The following NEK6 variants were observed in gnomAD, a reference collection of about 807,000 sequenced individuals.
NEK6 encodes serine/threonine-protein kinase Nek6.
In NEK6, 27 loss-of-function variants were observed where a neutral mutation model predicts 43.5. The observed-to-expected ratio is 0.62, with a 90% CI of 0.46 to 0.86. The LOEUF (loss-of-function observed/expected upper bound fraction) is 0.86. NEK6 is among the 40% of genes least tolerant of loss of function. The pLI is 0.00. For missense variants in NEK6, 318 were observed against 414.4 expected (o/e 0.77, Z 2.02); for synonymous variants, 167 against 164.1 (o/e 1.02, Z -0.14).
intron 1 of NEK6, among the ~76,000 whole-genome samples, chr9:124,276,055 T>TG (rs1831637964): frequency 6.7e-6 from 1 of 150,306 alleles, no homozygotes; most frequent in African/African-American, 2.5e-5. Flanking sequence ...CCGTGGAGGC[T>TG]GGGGGGCTGG....
Position 124,321,441 on chromosome 9 carries a change from CTT to C in NEK6, c.295-16_295-15del. On this transcript the variant is annotated splice_polypyrimidine_tract_variant and intron_variant, in intron 4 of 9. Transcript: ENST00000320246. Reference sequence around the variant, plus strand: ...GTCTTCACTTGGTGCCCCCTTCCCTCTTTCCCTCCTCATGCAGCAACTGAACC... The same window carrying C: ...GTCTTCACTTGGTGCCCCCTTCCCTCTCCCTCCTCATGCAGCAACTGAACC... 6.4e-7 allele frequency: 1 copy of C among 1,563,620 alleles called. No individual in the cohort carries two copies. Among genetic ancestry groups the C allele is most frequent in the Non-Finnish European group, 8.8e-7 (1 of 1,134,860 alleles).
intron 1 of NEK6, among the ~76,000 whole-genome samples, chr9:124,297,092 A>G (rs888709448): frequency 1.3e-5 from 2 of 152,226 alleles, no homozygotes; most frequent in Admixed American, 1.3e-4. Context: ...GCTCCAGAGC[A>G]GTCCTAAAGA....
intron 7 of NEK6, 78 bp downstream of exon 7, chr9:124,327,523 A>C: frequency 8.9e-7 from 1 of 1,126,370 alleles, no homozygotes; most frequent in Non-Finnish European, 1.3e-6. Context: ...CATTCTCCCC[A>C]CGTGTGTTTG....
chr9:124,303,079 A>C (rs1329238530), intron 2 of NEK6, among the ~76,000 whole-genome samples: 1 of 152,212 alleles, frequency 6.6e-6, no homozygotes, highest in African/African-American at 2.4e-5. Context: ...CCAGCAAGGC[A>C]CCTGATCCGG....
At chr9:124,323,008 G>T (rs147964668) in intron 5 of NEK6, among the ~76,000 whole-genome samples, 1 of 150,616 alleles carries the variant, frequency 6.6e-6, no homozygotes, top group African/African-American at 2.5e-5. Context: ...CCTCTCCCCC[G>T]CCCCCGCTTT....
intron 1 of NEK6, among the ~76,000 whole-genome samples, chr9:124,290,386 C>G (rs1017184138): frequency 1.3e-5 from 2 of 152,256 alleles, no homozygotes; most frequent in Non-Finnish European, 1.5e-5. Flanking sequence ...GCCTCCGCCC[C>G]CAAGGGTGCT....
chr9:124,350,837 T>C lies in NEK6; in HGVS notation c.832T>C (p.Leu278=), dbSNP rs1208824879. The C allele has an allele frequency of 3.1e-6, 5 of 1,609,272 alleles. No individual in the cohort carries two copies. Among genetic ancestry groups the C allele is most frequent in the Non-Finnish European group, 2.5e-6 (3 of 1,176,902 alleles). The change falls in exon 10 of 10, where the codon TTA becomes CTA. Residue 278 remains leucine (L), a splice_region_variant and synonymous_variant. Coordinates refer to ENST00000320246, the MANE Select transcript of NEK6 (RefSeq NM_014397.6). ...TAACACACCATTCTCTCCCCTGCAG[T>C]TACGAGAACTGGTCAGCATGTGCAT... ...PLPGEHYSEK[L]RELVSMCICP...
At chr9:124,305,694 G>A (rs1008952867) in intron 2 of NEK6, among the ~76,000 whole-genome samples, 4 of 152,170 alleles carry the variant, frequency 2.6e-5, no homozygotes, top group African/African-American at 9.7e-5. Flanking sequence ...CTGCTGAGAA[G>A]CTCTGCATGT....
intron 1 of NEK6, among the ~76,000 whole-genome samples, chr9:124,295,001 A>G (rs1036454309): frequency 1.8e-4 from 28 of 152,062 alleles, no homozygotes; most frequent in African/African-American, 6.5e-4. Flanking sequence ...GGGGAGGGCG[A>G]GGCATCCGGA....
intron 7 of NEK6, among the ~76,000 whole-genome samples, chr9:124,330,936 A>G (rs2130980398): frequency 6.6e-6 from 1 of 152,326 alleles, no homozygotes; most frequent in South Asian, 2.1e-4. Flanking sequence ...AAGATGAGTT[A>G]AAGACGGAGA....
intron 7 of NEK6, among the ~76,000 whole-genome samples, chr9:124,329,430 C>T (rs1240569231): frequency 1.3e-5 from 2 of 152,190 alleles, no homozygotes; most frequent in African/African-American, 2.4e-5. Flanking sequence ...GCGTCTCATC[C>T]GACAGTATGA....
intron 7 of NEK6, among the ~76,000 whole-genome samples, chr9:124,334,114 T>C (rs899430319): frequency 3.3e-5 from 5 of 152,174 alleles, no homozygotes; most frequent in Non-Finnish European, 5.9e-5. Context: ...ACTGGCTGTT[T>C]CTGAATACTT....
intron 2 of NEK6, among the ~76,000 whole-genome samples, chr9:124,303,563 C>T (rs1414004858): frequency 2.0e-5 from 3 of 152,204 alleles, no homozygotes; most frequent in Non-Finnish European, 4.4e-5. Context: ...ACACGTTGAG[C>T]TTAGTGGACA....
intron 1 of NEK6, among the ~76,000 whole-genome samples, chr9:124,263,180 A>G (rs1174923076): frequency 6.6e-6 from 1 of 152,236 alleles, no homozygotes; most frequent in East Asian, 1.9e-4. Context: ...GCTGCTGATG[A>G]GGAATTCACT....
rs560170322 is a variant in NEK6, at chr9:124,260,277, C to T, written c.-30+2192C>T. Among the ~76,000 whole-genome samples, 4 of 152,232 alleles carry T rather than the reference C, an allele frequency of 2.6e-5. No individual in the cohort carries two copies. The South Asian group carries it at 8.3e-4, about 32-fold the overall frequency. On this transcript the variant is annotated intron_variant, in intron 1 of 9. Coordinates refer to ENST00000320246, the MANE Select transcript of NEK6 (RefSeq NM_014397.6). ...ACACATCCGTTCATTTTCTGCTCAT[C>T]GTAGATAGGGTTTATTATCCCCATT...
chr9:124,309,472 C>T (rs532119733), intron 2 of NEK6, among the ~76,000 whole-genome samples: 3 of 152,324 alleles, frequency 2.0e-5, no homozygotes, highest in African/African-American at 7.2e-5. Flanking sequence ...ACCACTTCCT[C>T]CAAACCCTTC....
At chr9:124,315,458 G>T (rs950295791) in intron 4 of NEK6, among the ~76,000 whole-genome samples, 11 of 152,226 alleles carry the variant, frequency 7.2e-5, no homozygotes, top group Admixed American at 1.3e-4. Flanking sequence ...GGCCACAGTG[G>T]GTGAGGGAGT....
chr9:124,290,188 A>G (rs4838152), intron 1 of NEK6, among the ~76,000 whole-genome samples: 91,659 of 152,186 alleles, frequency 0.6, 28,010 homozygotes, highest in East Asian at 0.79. Flanking sequence ...CTGGGGGCTC[A>G]CGGTGACTCT....
At position 124,343,574 on chromosome 9, in the gene NEK6, C is replaced by T. The variant is rs1464609270; in HGVS notation, c.717+3909C>T. ...TCCCTAAAGGGGAAGGTGAAGCAGGCGTTTCCCCAGCAGACAGGGAGGAGA... is the reference window on the plus strand; with the variant it reads ...TCCCTAAAGGGGAAGGTGAAGCAGGTGTTTCCCCAGCAGACAGGGAGGAGA... On this transcript the variant is annotated intron_variant, in intron 8 of 9. Transcript: ENST00000320246. This position sits in a 1 kb window ranked among gnomAD's most constrained non-coding sequence, Gnocchi z 5.1. Among the ~76,000 whole-genome samples, 1 of 152,166 alleles carries T rather than the reference C, an allele frequency of 6.6e-6. No homozygotes were observed. The highest frequency in any genetic ancestry group is 2.4e-5 in the African/African-American group (1 of 41,422).
Sources: gnomAD v4.1 joint callset for allele counts (sites outside exome capture counted in the v4.1 genomes callset) on GRCh38, gnomAD v4.1.1 for gene constraint, Gnocchi (gnomAD v3.1) non-coding constraint, MANE v1.5 for transcripts, NCBI Gene and HGNC (gene_info 2026-07-23, HGNC 2026-07-21) for gene names.